RNGTT: variants seen among roughly 807,000 people sequenced by gnomAD.
RNGTT encodes RNA guanylyltransferase and 5'-phosphatase.
Under a neutral mutation model 79.3 loss-of-function variants are expected in RNGTT, and 33 were observed. That is an observed-to-expected ratio of 0.42 (90% CI 0.32 to 0.56). The LOEUF is 0.56. Ranked by LOEUF, RNGTT falls within the 20% of genes least tolerant of loss-of-function variation. RNGTT has a pLI of 0.17. For missense variants in RNGTT, 497 were observed against 739.1 expected (o/e 0.67, Z 3.80); for synonymous variants, 222 against 235.9 (o/e 0.94, Z 0.54).
intron 13 of RNGTT, among the ~76,000 whole-genome samples, chr6:88,752,394 G>A (rs1777869671): frequency 6.6e-6 from 1 of 152,092 alleles, no homozygotes; most frequent in South Asian, 2.1e-4. Context: ...ACAAGTATTT[G>A]AACTTGGAGT....
intron 4 of RNGTT, among the ~76,000 whole-genome samples, chr6:88,923,798 C>G (rs1211575943): frequency 6.6e-6 from 1 of 152,098 alleles, no homozygotes; most frequent in Non-Finnish European, 1.5e-5. Context: ...TATTATAGTG[C>G]TCCAACTTAA....
At chr6:88,746,713 C>T (rs1777670191) in intron 13 of RNGTT, among the ~76,000 whole-genome samples, 2 of 152,198 alleles carry the variant, frequency 1.3e-5, no homozygotes, top group South Asian at 4.1e-4. Flanking sequence ...TTACCTCCTG[C>T]TGTTGCAGCT....
At chr6:88,801,858 C>CAT (rs1554219120) in intron 11 of RNGTT, among the ~76,000 whole-genome samples, 1 of 148,130 alleles carries the variant, frequency 6.8e-6, no homozygotes, top group Non-Finnish European at 1.5e-5. Flanking sequence ...CACACACACA[C>CAT]AAATTTCCAT....
intron 14 of RNGTT, among the ~76,000 whole-genome samples, chr6:88,636,305 T>C (rs2127771343): frequency 6.6e-6 from 1 of 152,058 alleles, no homozygotes; most frequent in East Asian, 1.9e-4. Context: ...AATTCTGTGG[T>C]ATAAGGAAGG....
chr6:88,687,594 G>A (rs1198298971), intron 13 of RNGTT, among the ~76,000 whole-genome samples: 1 of 152,140 alleles, frequency 6.6e-6, no homozygotes, highest in Non-Finnish European at 1.5e-5. Context: ...ATATGCAGCG[G>A]TAAAAAATGA....
intron 4 of RNGTT, among the ~76,000 whole-genome samples, chr6:88,924,452 A>C (rs1376927770): frequency 6.6e-6 from 1 of 152,174 alleles, no homozygotes; most frequent in African/African-American, 2.4e-5. Context: ...AAGATTATTA[A>C]CTTTTTATGT....
chr6:88,771,309 GTGTGTGTATATATATATATATATA>G (rs1397174951), intron 12 of RNGTT, among the ~76,000 whole-genome samples: 13 of 87,350 alleles, frequency 1.5e-4, no homozygotes, highest in South Asian at 3.4e-4. Flanking sequence ...ATGTATGTGT[GTGTGTGTATATATATATATATATA>G]TATATATATA....
At chr6:88,684,143 A>G (rs560675799) in intron 13 of RNGTT, among the ~76,000 whole-genome samples, 1 of 152,222 alleles carries the variant, frequency 6.6e-6, no homozygotes, top group Admixed American at 6.5e-5. Flanking sequence ...CTCAAGTCTC[A>G]TATGTCATTA....
At chr6:88,878,657 G>C (rs1782596671) in intron 8 of RNGTT, among the ~76,000 whole-genome samples, 1 of 151,948 alleles carries the variant, frequency 6.6e-6, no homozygotes, top group Non-Finnish European at 1.5e-5. Context: ...TAATAAGATA[G>C]GAGATAAATT....
intron 12 of RNGTT, among the ~76,000 whole-genome samples, chr6:88,800,182 T>C (rs1263635192): frequency 6.6e-6 from 1 of 152,204 alleles, no homozygotes; most frequent in African/African-American, 2.4e-5. Context: ...CATGCATAGG[T>C]TGAATATGCC....
intron 13 of RNGTT, among the ~76,000 whole-genome samples, chr6:88,751,429 A>C (rs1480096376): frequency 6.6e-6 from 1 of 152,154 alleles, no homozygotes; most frequent in Non-Finnish European, 1.5e-5. Flanking sequence ...TGGTCAGTAA[A>C]AATATTCTTG....
chr6:88,896,943 T>C (rs1783270112), intron 6 of RNGTT, among the ~76,000 whole-genome samples: 1 of 152,226 alleles, frequency 6.6e-6, no homozygotes, highest in Non-Finnish European at 1.5e-5. Context: ...AACTGGAACA[T>C]CCTGCTCCAT....
At chr6:88,732,866 G>T (rs972603680) in intron 13 of RNGTT, among the ~76,000 whole-genome samples, 1 of 152,138 alleles carries the variant, frequency 6.6e-6, no homozygotes, top group Non-Finnish European at 1.5e-5. Flanking sequence ...TCTAGAGATG[G>T]ATGGTTGTGA....
chr6:88,939,139 T>A (rs554162466), intron 2 of RNGTT, among the ~76,000 whole-genome samples: 2 of 152,332 alleles, frequency 1.3e-5, no homozygotes, highest in Admixed American at 1.3e-4. Flanking sequence ...CTTGGATGTC[T>A]AAACCTCTTG....
intron 11 of RNGTT, among the ~76,000 whole-genome samples, chr6:88,817,490 T>TAAAAAAAAAAAAAAA (rs11354100): frequency 8.5e-4 from 38 of 44,478 alleles, no homozygotes; most frequent in Middle Eastern, 0.021. Context: ...AAAAAATAAG[T>TAAAAAAAAAAAAAAA]AAAAAAAAAA....
At chr6:88,941,275 C>G in intron 1 of RNGTT, 95 bp from the exon 2 acceptor site, 1 of 877,744 alleles carries the variant, frequency 1.1e-6, no homozygotes, top group Non-Finnish European at 1.8e-6. Context: ...CTTCTTAAAA[C>G]CTTTTTTTTT....
chr6:88,793,685 T>C (rs573685834), intron 12 of RNGTT, among the ~76,000 whole-genome samples: 1 of 152,134 alleles, frequency 6.6e-6, no homozygotes, highest in South Asian at 2.1e-4. Context: ...GCCAACAAGG[T>C]AAAATGCCAT....
rs1229457522 is a variant in RNGTT at position 88,698,260 on chromosome 6, A to AATATATATATCATATATATTTCAT, written c.1440-19842_1440-19841insATGAAATATATATGATATATATAT. On this transcript the variant is annotated intron_variant, in intron 13 of 15. Coordinates refer to ENST00000369485, the MANE Select transcript of RNGTT (RefSeq NM_003800.5). ...AATATATATATGAAATATATATATA[A>AATATATATATCATATATATTTCAT]ATATATATGATATATATATTTCATA... Among the ~76,000 whole-genome samples the AATATATATATCATATATATTTCAT allele has an allele frequency of 1.2e-3, 116 of 95,408 alleles. 1 individual carries two copies. The highest frequency in any genetic ancestry group is 0.01 in the African/African-American group (113 of 10,858). The allele number at this position is 95,408 out of a possible 152,430, so 62.6% of individuals were successfully genotyped here.
intron 12 of RNGTT, among the ~76,000 whole-genome samples, chr6:88,787,121 T>C (rs1212378220): frequency 1.3e-5 from 2 of 152,234 alleles, no homozygotes; most frequent in East Asian, 3.8e-4. Context: ...AACTGACTAA[T>C]TGACTGTTTA....
Sources: allele counts gnomAD v4.1 joint callset (sites outside exome capture counted in the v4.1 genomes callset), GRCh38; gene constraint gnomAD v4.1.1; transcripts MANE v1.5; gene names NCBI Gene and HGNC (gene_info 2026-07-23, HGNC 2026-07-21).